Variants in INPP5D observed in about 807,000 individuals in gnomAD.
The protein encoded by INPP5D is inositol polyphosphate-5-phosphatase D.
In INPP5D, 33 loss-of-function variants were observed where a neutral mutation model predicts 122.9. The observed-to-expected ratio is 0.27, with a 90% CI of 0.20 to 0.36. The LOEUF is 0.36. INPP5D is among the 10% of genes least tolerant of loss of function. INPP5D has a pLI of 1.00. For missense variants in INPP5D, 1,053 were observed against 1,412.7 expected (o/e 0.75, Z 4.08); for synonymous variants, 584 against 576.2 (o/e 1.01, Z -0.19).
At chr2:233,093,185 A>T (rs1329225077) in intron 2 of INPP5D, among the ~76,000 whole-genome samples, 1 of 152,194 alleles carries the variant, frequency 6.6e-6, no homozygotes, top group Non-Finnish European at 1.5e-5. Flanking sequence ...ATTACGGCAG[A>T]TTAATATTGA....
At chr2:233,092,164 C>T (rs1018738571) in intron 2 of INPP5D, among the ~76,000 whole-genome samples, 2 of 152,188 alleles carry the variant, frequency 1.3e-5, no homozygotes, top group East Asian at 1.9e-4. Context: ...GGCAGGCGGG[C>T]GGCCGGAGTG....
At chr2:233,119,802 A>G (rs1692918054) in intron 2 of INPP5D, among the ~76,000 whole-genome samples, 1 of 152,210 alleles carries the variant, frequency 6.6e-6, no homozygotes, top group African/African-American at 2.4e-5. Context: ...GGGCTCGGGA[A>G]CAGGTCTGAG....
At chr2:233,084,639 G>A (rs911873027) in intron 2 of INPP5D, among the ~76,000 whole-genome samples, 3 of 152,248 alleles carry the variant, frequency 2.0e-5, no homozygotes, top group Admixed American at 1.3e-4. Context: ...TTGTTATTAA[G>A]CTCAGGAAGC....
rs114306516 is a variant in INPP5D, at chr2:233,085,263, G to A, written c.198+5865G>A. Among the ~76,000 whole-genome samples, 1,364 of 152,120 alleles carry A rather than the reference G, an allele frequency of 9.0e-3. 12 individuals are homozygous for A. Among genetic ancestry groups the A allele is most frequent in the Non-Finnish European group, 0.015 (999 of 68,000 alleles). ...TAGTCGGGTGTGGTGGTGCATGCCCGTAGTCACAGCTACTCCGGAGGCTGA... is the reference window on the plus strand; with the variant it reads ...TAGTCGGGTGTGGTGGTGCATGCCCATAGTCACAGCTACTCCGGAGGCTGA... On this transcript the variant is annotated intron_variant, in intron 2 of 26. Transcript: ENST00000445964.
chr2:233,185,934 A>G lies in INPP5D; in HGVS notation c.2358+9A>G. The G allele has an allele frequency of 6.3e-7, 1 of 1,588,924 alleles. No individual in the cohort carries two copies. The highest frequency in any genetic ancestry group is 8.6e-7 in the Non-Finnish European group (1 of 1,166,842). On this transcript the variant is annotated intron_variant, in intron 21 of 26. Transcript: ENST00000445964. The stretch of plus-strand genomic sequence containing the variant: ...GTGAGACTCTTCCAAAGGTAATTCT[A>G]GAGCAAGGCATTCCCCAGAGGGAGA...
intron 1 of INPP5D, among the ~76,000 whole-genome samples, chr2:233,077,457 C>T (rs1212548421): frequency 5.3e-5 from 8 of 151,952 alleles, no homozygotes; most frequent in East Asian, 1.9e-4. Context: ...GGTCAGGAGT[C>T]GAGACCAGCC....
intron 5 of INPP5D, among the ~76,000 whole-genome samples, chr2:233,135,430 G>A (rs1693442178): frequency 6.6e-6 from 1 of 151,678 alleles, no homozygotes; most frequent in South Asian, 2.1e-4. Flanking sequence ...CAAACTCCTG[G>A]GCTTAAGCCT....
chr2:233,141,245 CAA>C (rs1252847363), intron 6 of INPP5D: 1 of 152,124 alleles, frequency 6.6e-6, no homozygotes, highest in African/African-American at 2.4e-5. Flanking sequence ...TACAAGTACA[CAA>C]AGAGTAACAG....
intron 1 of INPP5D, 46 bp from the exon 2 acceptor site, chr2:233,079,289 C>T (rs13419542): frequency 0.048 from 57,100 of 1,193,782 alleles, 2,081 homozygotes; most frequent in African/African-American, 0.16. Flanking sequence ...AAGAGGAAAC[C>T]GGGTCTTCCT....
At chr2:233,102,096 A>C (rs1692330747) in intron 2 of INPP5D, among the ~76,000 whole-genome samples, 1 of 152,168 alleles carries the variant, frequency 6.6e-6, no homozygotes, top group Non-Finnish European at 1.5e-5. Context: ...ACGGCCAAGG[A>C]AACTGGTTTG....
chr2:233,076,538 T>A (rs1448849518), intron 1 of INPP5D: 2 of 152,184 alleles, frequency 1.3e-5, no homozygotes, highest in Non-Finnish European at 2.9e-5. Flanking sequence ...TCTTTTTAAG[T>A]ACCCATGATG....
At chr2:233,097,911 G>C (rs1316902332) in intron 2 of INPP5D, among the ~76,000 whole-genome samples, 1 of 150,828 alleles carries the variant, frequency 6.6e-6, no homozygotes, top group Non-Finnish European at 1.5e-5. Context: ...TTTTGAGACA[G>C]AGTCTCACTC....
chr2:233,103,060 A>T (rs1478369281), intron 2 of INPP5D, among the ~76,000 whole-genome samples: 2 of 152,162 alleles, frequency 1.3e-5, no homozygotes, highest in Non-Finnish European at 1.5e-5. Flanking sequence ...AATTGACTGA[A>T]GTCATATCAT....
rs554836343 is a variant in INPP5D, at chr2:233,062,572, G to C, written c.134+1960G>C. Among the ~76,000 whole-genome samples the C allele has an allele frequency of 9.8e-4, 149 of 152,280 alleles. 1 individual carries two copies. Among genetic ancestry groups the C allele is most frequent in the African/African-American group, 3.3e-3 (139 of 41,556 alleles). On this transcript the variant is annotated intron_variant, in intron 1 of 26. Coordinates refer to ENST00000445964, the MANE Select transcript of INPP5D (RefSeq NM_001017915.3). Reference sequence around the variant, plus strand: ...ACTGAGTTCTCTCAGAGTCATGATGGGTGTGCAGTGTCTGCTCCTTAGAGA... The same window carrying C: ...ACTGAGTTCTCTCAGAGTCATGATGCGTGTGCAGTGTCTGCTCCTTAGAGA...
chr2:233,081,230 C>A (rs989188210), intron 2 of INPP5D, among the ~76,000 whole-genome samples: 2 of 152,096 alleles, frequency 1.3e-5, no homozygotes, highest in African/African-American at 4.8e-5. Flanking sequence ...ATGTGAGCAG[C>A]GGAGGGGAGC....
At chr2:233,133,514 A>C (rs1326381224) in intron 5 of INPP5D, among the ~76,000 whole-genome samples, 1 of 152,240 alleles carries the variant, frequency 6.6e-6, no homozygotes, top group Admixed American at 6.5e-5. Flanking sequence ...CTGGTCAACA[A>C]GTAAAAGCAC....
intron 2 of INPP5D, among the ~76,000 whole-genome samples, chr2:233,085,247 G>A (rs898903818): frequency 2.6e-5 from 4 of 152,110 alleles, no homozygotes; most frequent in Admixed American, 2.6e-4. Flanking sequence ...TTAGTCGGGT[G>A]TGGTGGTGCA....
rs968080913 is a variant in INPP5D, at chr2:233,082,841, A to G, written c.198+3443A>G. Among the ~76,000 whole-genome samples the G allele has an allele frequency of 1.3e-5, 2 of 152,240 alleles. No individual in the cohort carries two copies. Among genetic ancestry groups the G allele is most frequent in the Non-Finnish European group, 1.5e-5 (1 of 68,032 alleles). On this transcript the variant is annotated intron_variant, in intron 2 of 26. Coordinates refer to ENST00000445964, the MANE Select transcript of INPP5D (RefSeq NM_001017915.3). This position sits in a 1 kb window ranked among gnomAD's most constrained non-coding sequence, Gnocchi z 4.7. Reference sequence around the variant, plus strand: ...GAGAACTGCGGAAGTTGGAACTCACAGCCAGGCCTCCCGGCCTCCCCGGCT... The same window carrying G: ...GAGAACTGCGGAAGTTGGAACTCACGGCCAGGCCTCCCGGCCTCCCCGGCT...
At chr2:233,068,285 C>CAAAAAA (rs60089777) in intron 1 of INPP5D, among the ~76,000 whole-genome samples, 9 of 127,170 alleles carry the variant, frequency 7.1e-5, no homozygotes, top group African/African-American at 2.8e-4. Context: ...AACTCTGTCT[C>CAAAAAA]AAAAAAAAAA....
Sources: gnomAD v4.1 joint callset for allele counts (sites outside exome capture counted in the v4.1 genomes callset) on GRCh38, gnomAD v4.1.1 for gene constraint, Gnocchi (gnomAD v3.1) non-coding constraint, MANE v1.5 for transcripts, NCBI Gene and HGNC (gene_info 2026-07-23, HGNC 2026-07-21) for gene names.